NALF1: variants seen among roughly 807,000 people sequenced by gnomAD.
NALF1 encodes NALCN channel auxiliary factor 1, also known as family with sequence similarity 155 member A.
A neutral mutation model predicts 48.4 loss-of-function variants in NALF1; 3 were observed. The ratio of observed to expected loss-of-function variants is 0.06; its 90% CI spans 0.03 to 0.16. The LOEUF is 0.16. Among genes scored for constraint, NALF1 ranks in the 10% least tolerant of loss-of-function variants. NALF1 has a pLI of 1.00. For synonymous variants in NALF1, 262 were observed against 245.7 expected (o/e 1.07, Z -0.62); for missense variants, 526 against 571.5 (o/e 0.92, Z 0.81).
chr13:107,639,020 CTGAT>C (rs141463271), intron 1 of NALF1, among the ~76,000 whole-genome samples: 7,873 of 152,170 alleles, frequency 0.052, 726 homozygotes, highest in African/African-American at 0.18. Context: ...TAAAGAATTG[CTGAT>C]TGATTATTAT....
chr13:107,839,160 T>C (rs1378544642), intron 1 of NALF1, among the ~76,000 whole-genome samples: 1 of 151,988 alleles, frequency 6.6e-6, no homozygotes, highest in Non-Finnish European at 1.5e-5. Context: ...TGACATTTAG[T>C]TGGCCTACCG....
chr13:107,589,822 T>C (rs1878554835), intron 1 of NALF1, among the ~76,000 whole-genome samples: 1 of 151,996 alleles, frequency 6.6e-6, no homozygotes, highest in Non-Finnish European at 1.5e-5. Context: ...GCAGGGCTTA[T>C]ATGATATGAT....
At chr13:107,541,117 A>G (rs1171032172) in intron 1 of NALF1, among the ~76,000 whole-genome samples, 1 of 152,114 alleles carries the variant, frequency 6.6e-6, no homozygotes, top group African/African-American at 2.4e-5. Context: ...TACTCAATCC[A>G]AAGCTTTTAA....
chr13:107,185,376 C>A (rs1274402264), intron 2 of NALF1, among the ~76,000 whole-genome samples: 3 of 138,728 alleles, frequency 2.2e-5, no homozygotes, highest in South Asian at 2.6e-4. Context: ...GCGTGTTATT[C>A]CCCCCACCCC....
intron 1 of NALF1, among the ~76,000 whole-genome samples, chr13:107,392,478 C>A (rs1434051257): frequency 2.0e-5 from 3 of 152,122 alleles, no homozygotes; most frequent in Non-Finnish European, 4.4e-5. Context: ...AGCCCTCTCA[C>A]GCAGCAATTT....
intron 1 of NALF1, among the ~76,000 whole-genome samples, chr13:107,357,941 G>T (rs1212794379): frequency 6.6e-6 from 1 of 152,136 alleles, no homozygotes; most frequent in African/African-American, 2.4e-5. Context: ...TGCATGAACA[G>T]TATCAAGTTT....
At chr13:107,403,153 T>C (rs1200678336) in intron 1 of NALF1, among the ~76,000 whole-genome samples, 1 of 149,616 alleles carries the variant, frequency 6.7e-6, no homozygotes, top group African/African-American at 2.5e-5. Context: ...CCCCACATTT[T>C]AGTACTCACT....
At chr13:107,723,123 C>A (rs1490310984) in intron 1 of NALF1, among the ~76,000 whole-genome samples, 1 of 152,142 alleles carries the variant, frequency 6.6e-6, no homozygotes, top group South Asian at 2.1e-4. Flanking sequence ...ATTCAGTCAG[C>A]GGATTGGGCC....
At chr13:107,657,906 G>C (rs1239918916) in intron 1 of NALF1, among the ~76,000 whole-genome samples, 1 of 152,106 alleles carries the variant, frequency 6.6e-6, no homozygotes, top group Non-Finnish European at 1.5e-5. Flanking sequence ...CTTTACTTTA[G>C]TGAGGAGCTT....
intron 1 of NALF1, among the ~76,000 whole-genome samples, chr13:107,311,316 A>G (rs1882040878): frequency 6.6e-6 from 1 of 152,186 alleles, no homozygotes; most frequent in Admixed American, 6.5e-5. Flanking sequence ...AACTACCATT[A>G]AAACTGTATG....
chr13:107,292,994 T>TTTTCTTTTTC (rs1170940121), intron 1 of NALF1, among the ~76,000 whole-genome samples: 1,454 of 68,462 alleles, frequency 0.021, 19 homozygotes, highest in African/African-American at 0.042. Context: ...TTCTTTTTCT[T>TTTTCTTTTTC]TTTTTTTTTT....
In NALF1 at chr13:107,867,322, CGCCGCCGCT is replaced by C. The variant is rs1488502640; in HGVS notation, c.-735_-727del. ...TAAGTGCTGCCGCCGCCGCCGCCGCCGCCGCCGCTGCCGCAGGGCCGCCCGCGGGCGCCG... is the reference window on the plus strand; with the variant it reads ...TAAGTGCTGCCGCCGCCGCCGCCGCCGCCGCAGGGCCGCCCGCGGGCGCCG... On this transcript the variant is annotated 5_prime_UTR_variant, in exon 1 of 3. Transcript: ENST00000375915. The surrounding 1 kb of genome is among the most constrained non-coding windows in gnomAD (Gnocchi z 4.4). Among the ~76,000 whole-genome samples, 1 of 136,168 alleles carries C rather than the reference CGCCGCCGCT, an allele frequency of 7.3e-6. No individual in the cohort carries two copies. Among genetic ancestry groups the C allele is most frequent in the Non-Finnish European group, 1.6e-5 (1 of 61,862 alleles). 89.3% of individuals were successfully genotyped at this position (136,168 alleles called of 152,430 possible).
chr13:107,613,155 T>G (rs1435445644), intron 1 of NALF1, among the ~76,000 whole-genome samples: 5 of 152,186 alleles, frequency 3.3e-5, no homozygotes, highest in African/African-American at 1.2e-4. Context: ...TATGTTTTGT[T>G]TCCTGCTTGT....
chr13:107,465,152 A>G (rs1243917158), intron 1 of NALF1, among the ~76,000 whole-genome samples: 1 of 152,068 alleles, frequency 6.6e-6, no homozygotes, highest in Non-Finnish European at 1.5e-5. Flanking sequence ...GCTTCTATTA[A>G]CATTATGTGA....
intron 1 of NALF1, among the ~76,000 whole-genome samples, chr13:107,814,290 C>T (rs1307650374): frequency 6.6e-6 from 1 of 152,120 alleles, no homozygotes; most frequent in Non-Finnish European, 1.5e-5. Flanking sequence ...ATCCATCATC[C>T]TCAATCTGTC....
At chr13:107,845,614 G>T (rs537395343) in intron 1 of NALF1, among the ~76,000 whole-genome samples, 2 of 152,240 alleles carry the variant, frequency 1.3e-5, no homozygotes, top group South Asian at 4.1e-4. Flanking sequence ...TTTAACTCAT[G>T]AAACCATAGT....
intron 1 of NALF1, among the ~76,000 whole-genome samples, chr13:107,580,432 C>T (rs539126901): frequency 2.0e-5 from 3 of 152,256 alleles, no homozygotes; most frequent in African/African-American, 7.2e-5. Flanking sequence ...GCCCTATCCT[C>T]TTCATCATTC....
chr13:107,361,982 G>A (rs1405619134), intron 1 of NALF1, among the ~76,000 whole-genome samples: 2 of 152,150 alleles, frequency 1.3e-5, no homozygotes, highest in African/African-American at 4.8e-5. Context: ...AGGAAAAGAT[G>A]AATCCTTGTT....
At chr13:107,566,849 A>T (rs1313280113) in intron 1 of NALF1, among the ~76,000 whole-genome samples, 3 of 152,194 alleles carry the variant, frequency 2.0e-5, no homozygotes, top group Non-Finnish European at 4.4e-5. Flanking sequence ...GAGAACCCCG[A>T]GGCAGTGCCC....
Sources: gnomAD v4.1 joint callset for allele counts (sites outside exome capture counted in the v4.1 genomes callset) on GRCh38, gnomAD v4.1.1 for gene constraint, Gnocchi (gnomAD v3.1) non-coding constraint, MANE v1.5 for transcripts, NCBI Gene and HGNC (gene_info 2026-07-23, HGNC 2026-07-21) for gene names.